Variants in ADAM12 observed in about 807,000 individuals in gnomAD.
The protein encoded by ADAM12 is ADAM metallopeptidase domain 12, also known as disintegrin and metalloproteinase domain-containing protein 12.
In ADAM12, 70 loss-of-function variants were observed where a neutral mutation model predicts 106.4. The ratio of observed to expected loss-of-function variants is 0.66; its 90% CI spans 0.54 to 0.80. ADAM12 has a LOEUF of 0.80. Among genes scored for constraint, ADAM12 ranks in the 30% least tolerant of loss-of-function variants. The pLI is 0.00. For missense variants in ADAM12, 1,010 were observed against 1,171.9 expected (o/e 0.86, Z 2.02); for synonymous variants, 420 against 433.5 (o/e 0.97, Z 0.39).
chr10:126,032,630 T>C (rs1953990418), intron 21 of ADAM12, among the ~76,000 whole-genome samples: 3 of 152,058 alleles, frequency 2.0e-5, no homozygotes, highest in African/African-American at 7.2e-5. Flanking sequence ...TTAAAATAAA[T>C]AAAAAAGTTC....
intron 2 of ADAM12, among the ~76,000 whole-genome samples, chr10:126,288,984 C>T (rs1960016768): frequency 6.6e-6 from 1 of 151,322 alleles, no homozygotes; most frequent in Non-Finnish European, 1.5e-5. Context: ...CACATGATGG[C>T]TTGGGGACAG....
In ADAM12 at chr10:126,014,266, G is replaced by A. The variant is rs149306947; in HGVS notation, c.*3013C>T. On this transcript the variant is annotated 3_prime_UTR_variant, in exon 23 of 23. Transcript: ENST00000448723. Reference sequence around the variant, plus strand: ...CCAGCACCAGGCTCTTTTTAGCACCGTGGAGACCATAGGCTCCTTAAGAAC... The same window carrying A: ...CCAGCACCAGGCTCTTTTTAGCACCATGGAGACCATAGGCTCCTTAAGAAC... 878 of 149,986 alleles carry A rather than the reference G, an allele frequency of 5.9e-3. No homozygotes were observed. The highest frequency in any genetic ancestry group is 0.01 in the Middle Eastern group (3 of 288). 9.3% of individuals were successfully genotyped at this position (149,986 alleles called of 1,614,324 possible).
chr10:126,152,157 T>C (rs900086567), intron 4 of ADAM12, among the ~76,000 whole-genome samples: 1 of 152,048 alleles, frequency 6.6e-6, no homozygotes, highest in African/African-American at 2.4e-5. Context: ...AGCTTATCAA[T>C]TTTACATCTA....
chr10:126,344,232 C>T (rs1469582610), intron 1 of ADAM12, among the ~76,000 whole-genome samples: 1 of 152,140 alleles, frequency 6.6e-6, no homozygotes, highest in Non-Finnish European at 1.5e-5. Flanking sequence ...TTTCAGCTTT[C>T]TACATATGGC....
At position 126,064,721 on chromosome 10, in the gene ADAM12, A is replaced by G. The variant is rs1157640325; in HGVS notation, c.1609+85T>C. On this transcript the variant is annotated intron_variant, in intron 14 of 22. Coordinates refer to ENST00000448723, the MANE Select transcript of ADAM12 (RefSeq NM_001288973.2). The surrounding 1 kb of genome is among the most constrained non-coding windows in gnomAD (Gnocchi z 4.4). ...ACAGCGCCCGCCAGGAGTGGGGGCT[A>G]ACCAAAACAGAGCACATGCCCCCAG... 18 of 1,417,760 alleles carry G rather than the reference A, an allele frequency of 1.3e-5. No individual in the cohort carries two copies. In the Admixed American group the frequency reaches 2.9e-4, roughly 23 times the overall value. The allele number at this position is 1,417,760 out of a possible 1,614,324, so 87.8% of individuals were successfully genotyped here. A position where few individuals can be genotyped will look rare whatever the true frequency, so the allele number is the denominator to read the frequency against.
At position 126,046,141 on chromosome 10, in the gene ADAM12, G is replaced by A. The variant is rs1242817369; in HGVS notation, c.1918-9C>T. On this transcript the variant is annotated splice_polypyrimidine_tract_variant and intron_variant, in intron 16 of 22. Transcript: ENST00000448723. ...TGACGATTCAGGCAGATCTGTAGGA[G>A]GAGGAAAACACAGCAAATCTCTTAG... 6.8e-6 allele frequency: 11 copies of A among 1,611,906 alleles called. No homozygotes were observed. Among genetic ancestry groups the A allele is most frequent in the African/African-American group, 2.7e-5 (2 of 74,866 alleles).
intron 3 of ADAM12, among the ~76,000 whole-genome samples, chr10:126,206,055 A>G: frequency 6.6e-6 from 1 of 152,050 alleles, no homozygotes; most frequent in Non-Finnish European, 1.5e-5. Flanking sequence ...AAAATGTCCA[A>G]TTTTTTTTCT....
At chr10:126,197,731 C>A (rs1324300434) in intron 3 of ADAM12, among the ~76,000 whole-genome samples, 1 of 152,122 alleles carries the variant, frequency 6.6e-6, no homozygotes, top group Non-Finnish European at 1.5e-5. Flanking sequence ...TGGTGCCCAA[C>A]AAATAGTCAA....
Position 126,282,001 on chromosome 10 carries a change from C to T in ADAM12, c.187-3013G>A, listed in dbSNP as rs529287600. Reference sequence around the variant, plus strand: ...CTATTTCTATAATCTTAGAAGCCCCCGTATTAGTTTGGTGGGGCTGTCATA... The same window carrying T: ...CTATTTCTATAATCTTAGAAGCCCCTGTATTAGTTTGGTGGGGCTGTCATA... On this transcript the variant is annotated intron_variant, in intron 2 of 22. Transcript: ENST00000448723. Among the ~76,000 whole-genome samples the T allele has an allele frequency of 7.2e-5, 11 of 152,300 alleles. No homozygotes were observed. In the South Asian group the frequency reaches 8.3e-4, roughly 11 times the overall value.
chr10:126,213,370 A>C lies in ADAM12; in HGVS notation c.261-58065T>G, dbSNP rs142354214. Reference sequence around the variant, plus strand: ...TCGTTTTATCTAATTTCAGCCTAAGAAATTTGAGAGATGATCCCCAGATTA... The same window carrying C: ...TCGTTTTATCTAATTTCAGCCTAAGCAATTTGAGAGATGATCCCCAGATTA... On this transcript the variant is annotated intron_variant, in intron 3 of 22. Transcript: ENST00000448723. 6.2e-3 allele frequency among the ~76,000 whole-genome samples: 947 copies of C among 152,330 alleles called. 13 individuals carry two copies. The highest frequency in any genetic ancestry group is 0.022 in the African/African-American group (915 of 41,570).
At chr10:126,045,952 T>C in intron 17 of ADAM12, 103 bp downstream of exon 17, 1 of 977,604 alleles carries the variant, frequency 1.0e-6, no homozygotes, top group Non-Finnish European at 1.6e-6. Flanking sequence ...CAATAACTGC[T>C]CTATTTAAAA....
chr10:126,048,112 CA>C (rs912569825), intron 16 of ADAM12, among the ~76,000 whole-genome samples: 61 of 152,208 alleles, frequency 4.0e-4, no homozygotes, highest in African/African-American at 1.4e-3. Context: ...TAGGCACATA[CA>C]GGGGAACAAA....
chr10:126,177,396 A>T (rs559798688), intron 3 of ADAM12, among the ~76,000 whole-genome samples: 1 of 152,304 alleles, frequency 6.6e-6, no homozygotes, highest in South Asian at 2.1e-4. Context: ...GCACTCTCTC[A>T]TTTAGTACTT....
intron 11 of ADAM12, among the ~76,000 whole-genome samples, chr10:126,085,784 T>C (rs550582930): frequency 4.7e-4 from 71 of 152,344 alleles, no homozygotes; most frequent in African/African-American, 1.6e-3. Context: ...CACCCGCTCA[T>C]GGATCCTTTC....
At chr10:126,227,997 C>G (rs1027776395) in intron 3 of ADAM12, among the ~76,000 whole-genome samples, 3 of 152,032 alleles carry the variant, frequency 2.0e-5, no homozygotes, top group Admixed American at 2.0e-4. Context: ...GTGATGATTC[C>G]CCTGGATCAG....
chr10:126,042,292 TC>T, intron 18 of ADAM12: 1 of 1,598,734 alleles, frequency 6.3e-7, no homozygotes, highest in Non-Finnish European at 8.5e-7. Flanking sequence ...CAATAAGAAC[TC>T]AGAGAAAACA....
In ADAM12 at chr10:126,296,786, A is replaced by G. The variant is rs141265569; in HGVS notation, c.187-17798T>C. On this transcript the variant is annotated intron_variant, in intron 2 of 22. Transcript: ENST00000448723. ...CTCACTCTTTTTAATATGAACTGCT[A>G]TTATACCAGGTTTCCCTATCGGGGA... Among the ~76,000 whole-genome samples, 1,008 of 152,344 alleles carry G rather than the reference A, an allele frequency of 6.6e-3. 12 individuals carry two copies. The highest frequency in any genetic ancestry group is 0.023 in the African/African-American group (956 of 41,588).
chr10:126,229,629 C>G (rs1367097341), intron 3 of ADAM12, among the ~76,000 whole-genome samples: 1 of 128,388 alleles, frequency 7.8e-6, no homozygotes, highest in African/African-American at 3.0e-5. Flanking sequence ...TCCCTCTCCC[C>G]CTCTCTTCCT....
chr10:126,019,718 A>C lies in ADAM12; in HGVS notation c.2637T>G (p.Thr879=), dbSNP rs1005756061. Residue 879 remains threonine, a synonymous_variant, in exon 22 of 23, where the codon ACT becomes ACG. Coordinates refer to ENST00000448723, the MANE Select transcript of ADAM12 (RefSeq NM_001288973.2). ...ACCTGAGGGGTGCCAGGCGGAGCCCAGTCTCCCATTGTCCTGGGGTCCTGG... is the reference window on the plus strand; with the variant it reads ...ACCTGAGGGGTGCCAGGCGGAGCCCCGTCTCCCATTGTCCTGGGGTCCTGG... ...ALARTPGQWE[T]GLRLAPLRPA... is the part of the protein sequence containing the mutation. 1.2e-6 allele frequency: 2 copies of C among 1,614,012 alleles called. No individual in the cohort carries two copies. Among genetic ancestry groups the C allele is most frequent in the Non-Finnish European group, 1.7e-6 (2 of 1,179,890 alleles).
Sources: gnomAD v4.1 joint callset for allele counts (sites outside exome capture counted in the v4.1 genomes callset) on GRCh38, gnomAD v4.1.1 for gene constraint, Gnocchi (gnomAD v3.1) non-coding constraint, MANE v1.5 for transcripts, NCBI Gene and HGNC (gene_info 2026-07-23, HGNC 2026-07-21) for gene names.